Variants in SIK3 observed in about 807,000 individuals in gnomAD.
SIK3 encodes the protein SIK family kinase 3.
In SIK3, 28 loss-of-function variants were observed where a neutral mutation model predicts 144.2. The ratio of observed to expected loss-of-function variants is 0.19; its 90% CI spans 0.14 to 0.27. The LOEUF (loss-of-function observed/expected upper bound fraction) is 0.27. Among genes scored for constraint, SIK3 ranks in the 10% least tolerant of loss-of-function variants. The probability of loss-of-function intolerance (pLI) is 1.00; values close to 1 mark genes in which losing one functional copy is unlikely to be tolerated. For synonymous variants in SIK3, 686 were observed against 676.3 expected (o/e 1.01, Z -0.22); for missense variants, 1,319 against 1,776.0 (o/e 0.74, Z 4.62).
At chr11:116,914,812 A>C (rs1394284733) in intron 4 of SIK3, among the ~76,000 whole-genome samples, 1 of 152,180 alleles carries the variant, frequency 6.6e-6, no homozygotes, top group Non-Finnish European at 1.5e-5. Context: ...CAGTACAGTT[A>C]CCTTTTTATT....
chr11:116,968,413 A>G (rs1949641208), intron 1 of SIK3, among the ~76,000 whole-genome samples: 1 of 152,242 alleles, frequency 6.6e-6, no homozygotes, highest in South Asian at 2.1e-4. Flanking sequence ...AAGGGCTGGG[A>G]TGACAGGTGT....
chr11:117,089,853 G>C (rs900243382), intron 1 of SIK3, among the ~76,000 whole-genome samples: 1 of 152,164 alleles, frequency 6.6e-6, no homozygotes, highest in Admixed American at 6.5e-5. Context: ...CAACTTCTGG[G>C]AAATGTGGCT....
At chr11:116,965,112 A>G (rs1045565302) in intron 1 of SIK3, among the ~76,000 whole-genome samples, 1 of 152,212 alleles carries the variant, frequency 6.6e-6, no homozygotes, top group African/African-American at 2.4e-5. Context: ...GAAGCAAAGG[A>G]AATTTTCTGT....
intron 1 of SIK3, among the ~76,000 whole-genome samples, chr11:116,973,209 G>A (rs1949825523): frequency 6.6e-6 from 1 of 152,202 alleles, no homozygotes; most frequent in Non-Finnish European, 1.5e-5. Context: ...GTAAATGTGT[G>A]CTGCTTTAAG....
intron 15 of SIK3, among the ~76,000 whole-genome samples, chr11:116,866,489 T>G (rs1943648786): frequency 6.6e-6 from 1 of 152,190 alleles, no homozygotes; most frequent in Non-Finnish European, 1.5e-5. Context: ...TTGCCCAGGC[T>G]GGAGTGCAGT....
chr11:116,932,297 T>C (rs1318814627), intron 3 of SIK3, among the ~76,000 whole-genome samples: 2 of 152,196 alleles, frequency 1.3e-5, no homozygotes, highest in African/African-American at 2.4e-5. Context: ...TAATTATAGA[T>C]TCACAGGAAG....
intron 1 of SIK3, among the ~76,000 whole-genome samples, chr11:117,091,664 C>T (rs1282845105): frequency 6.6e-6 from 1 of 152,168 alleles, no homozygotes; most frequent in East Asian, 1.9e-4. Context: ...GTCAATATTC[C>T]TCTACAGTGA....
chr11:117,031,022 G>A (rs184260491), intron 1 of SIK3, among the ~76,000 whole-genome samples: 13 of 152,220 alleles, frequency 8.5e-5, no homozygotes, highest in East Asian at 3.9e-4. Context: ...TTAATACTGA[G>A]TTTGGAGTTA....
At chr11:116,941,763 G>C (rs1394212099) in intron 3 of SIK3, among the ~76,000 whole-genome samples, 2 of 152,080 alleles carry the variant, frequency 1.3e-5, no homozygotes, top group Non-Finnish European at 2.9e-5. Context: ...AGTTCTGCCT[G>C]GTATTCAGGA....
chr11:117,038,168 C>A (rs768084872), intron 1 of SIK3, among the ~76,000 whole-genome samples: 1 of 152,066 alleles, frequency 6.6e-6, no homozygotes, highest in Non-Finnish European at 1.5e-5. Context: ...GAATGACTGA[C>A]CTGCCTTGGC....
At chr11:116,930,300 G>T (rs952157422) in intron 3 of SIK3, among the ~76,000 whole-genome samples, 1 of 152,070 alleles carries the variant, frequency 6.6e-6, no homozygotes, top group African/African-American at 2.4e-5. Flanking sequence ...AACCTACGAG[G>T]TCTAGTGGGT....
intron 4 of SIK3, among the ~76,000 whole-genome samples, chr11:116,913,160 T>C (rs1946434550): frequency 1.3e-5 from 2 of 152,246 alleles, no homozygotes; most frequent in Admixed American, 6.5e-5. Context: ...AAACAGATAT[T>C]GGGAAGTCCT....
At chr11:116,971,867 T>A (rs1035967551) in intron 1 of SIK3, among the ~76,000 whole-genome samples, 8 of 151,586 alleles carry the variant, frequency 5.3e-5, no homozygotes, top group African/African-American at 1.9e-4. Flanking sequence ...GGCGGGTGGA[T>A]CACGAGGTCA....
intron 1 of SIK3, among the ~76,000 whole-genome samples, chr11:117,021,951 A>AC (rs1394669569): frequency 7.5e-6 from 1 of 133,296 alleles, no homozygotes; most frequent in Non-Finnish European, 1.5e-5. Flanking sequence ...AAAAAAAAAA[A>AC]AAAAAAAAAA....
chr11:117,054,087 G>A (rs1456550729), intron 1 of SIK3, among the ~76,000 whole-genome samples: 2 of 152,176 alleles, frequency 1.3e-5, no homozygotes, highest in Non-Finnish European at 2.9e-5. Context: ...CTCTTATAAT[G>A]AGGGACTAAC....
intron 1 of SIK3, among the ~76,000 whole-genome samples, chr11:116,963,133 T>A (rs1949407916): frequency 6.6e-6 from 1 of 152,100 alleles, no homozygotes; most frequent in Non-Finnish European, 1.5e-5. Context: ...TGGGAGAAAA[T>A]CTCAAATAAG....
At chr11:116,951,414 A>G (rs899610744) in intron 3 of SIK3, among the ~76,000 whole-genome samples, 1 of 152,126 alleles carries the variant, frequency 6.6e-6, no homozygotes. Flanking sequence ...AACATTTCAA[A>G]TTCTATTGTT....
intron 14 of SIK3, among the ~76,000 whole-genome samples, chr11:116,868,612 C>CA (rs1386168752): frequency 6.6e-6 from 1 of 152,142 alleles, no homozygotes; most frequent in East Asian, 1.9e-4. Context: ...AAATGAATTC[C>CA]AAAACCACCC....
Position 116,870,398 on chromosome 11 carries a change from C to T in SIK3, c.1741G>A (p.Val581Met), listed in dbSNP as rs1194909152. 1 of 1,612,370 alleles carries T rather than the reference C, an allele frequency of 6.2e-7. No individual in the cohort carries two copies. The highest frequency in any genetic ancestry group is 8.5e-7 in the Non-Finnish European group (1 of 1,180,008). The change falls in exon 14 of 25, where the codon GTG (valine) becomes ATG (methionine). Residue 581 changes from valine to methionine, a missense_variant. By Grantham distance (21) the Val-to-Met change is conservative. Transcript: ENST00000445177. ...TCGTCCACAGGGGTAACTGCTGGCACTGCCTGAAGAGAGACAGGAAGGAAA... is the reference window on the plus strand; with the variant it reads ...TCGTCCACAGGGGTAACTGCTGGCATTGCCTGAAGAGAGACAGGAAGGAAA... ...PSPLVTMTPAVPAVTPVDEES... is the reference protein window; with the variant it reads ...PSPLVTMTPAMPAVTPVDEES...
Sources: gnomAD v4.1 joint callset for allele counts (sites outside exome capture counted in the v4.1 genomes callset) on GRCh38, gnomAD v4.1.1 for gene constraint, MANE v1.5 for transcripts, NCBI Gene and HGNC (gene_info 2026-07-23, HGNC 2026-07-21) for gene names.